NELFB: variants seen among roughly 807,000 people sequenced by gnomAD.
NELFB encodes the protein negative elongation factor B.
In NELFB, 34 loss-of-function variants were observed where a neutral mutation model predicts 60.2. The observed-to-expected ratio is 0.56, with a 90% confidence interval of 0.43 to 0.75. The LOEUF (loss-of-function observed/expected upper bound fraction) is 0.75. Ranked by LOEUF, NELFB falls within the 30% of genes least tolerant of loss-of-function variation. The pLI is 0.00. For synonymous variants in NELFB, 459 were observed against 382.1 expected (o/e 1.20, Z -2.35); for missense variants, 770 against 831.6 (o/e 0.93, Z 0.91).
At position 137,269,096 on chromosome 9, in the gene NELFB, C is replaced by T. The variant is rs1025786271; in HGVS notation, c.1489+1750C>T. Among the ~76,000 whole-genome samples the T allele has an allele frequency of 3.3e-5, 5 of 151,966 alleles. No homozygotes were observed. The highest frequency in any genetic ancestry group is 2.0e-4 in the Admixed American group (3 of 15,254). On this transcript the variant is annotated intron_variant, in intron 10 of 12. Coordinates refer to ENST00000343053, the MANE Select transcript of NELFB (RefSeq NM_015456.5). The surrounding 1 kb of genome is among the most constrained non-coding windows in gnomAD (Gnocchi z 5.3). The stretch of plus-strand genomic sequence containing the variant: ...TTGGGGACACGTCCACACCACAGCA[C>T]GTGCCTATTGTGTTTCTCGGTGGCT...
intron 4 of NELFB, among the ~76,000 whole-genome samples, chr9:137,260,977 T>G (rs981854750): frequency 2.6e-5 from 4 of 151,482 alleles, no homozygotes; most frequent in Admixed American, 1.3e-4. Flanking sequence ...GAGAATCACT[T>G]GAACCCGGGA....
chr9:137,271,938 G>T, intron 10 of NELFB, 143 bp from the exon 11 acceptor site: 1 of 1,063,950 alleles, frequency 9.4e-7, no homozygotes, highest in Admixed American at 2.3e-5. Flanking sequence ...CACCTGCTGA[G>T]ACCCTGTGCT....
chr9:137,273,439 CT>C lies in NELFB; in HGVS notation c.*513del, dbSNP rs1564446655. The C allele has an allele frequency of 6.5e-6, 1 of 153,448 alleles. No individual in the cohort carries two copies. 9.5% of individuals were successfully genotyped at this position (153,448 alleles called of 1,614,324 possible). A position where few individuals can be genotyped will look rare whatever the true frequency, so the allele number is the denominator to read the frequency against. On this transcript the variant is annotated 3_prime_UTR_variant, in exon 13 of 13. Transcript: ENST00000343053. Reference sequence around the variant, plus strand: ...CTGCAGCCCAGTTTGCAGGTGTGGCCTTGTTTCTCCTTGCCCAGCAGTGCTG... The same window carrying C: ...CTGCAGCCCAGTTTGCAGGTGTGGCCTGTTTCTCCTTGCCCAGCAGTGCTG...
At chr9:137,256,600 C>T (rs970727539) in intron 3 of NELFB, among the ~76,000 whole-genome samples, 172 bp downstream of exon 3, 1 of 152,184 alleles carries the variant, frequency 6.6e-6, no homozygotes, top group Admixed American at 6.5e-5. Flanking sequence ...GCGTGGAGAC[C>T]GAACCTTAGC....
At position 137,267,054 on chromosome 9, in the gene NELFB, A is replaced by G. The variant is rs1195610252; in HGVS notation, c.1350A>G (p.Ser450=). The change falls in exon 9 of 13, where the codon TCA becomes TCG. Residue 450 remains serine (S), a synonymous_variant. Coordinates refer to ENST00000343053, the MANE Select transcript of NELFB (RefSeq NM_015456.5). ...CGGCTGAGGAGAAAGCCCCAGTCTC[A>G]TATCCAAACACACTTCCCGAAAGCT... 8 of 1,613,962 alleles carry G rather than the reference A, an allele frequency of 5.0e-6. No individual in the cohort carries two copies. The highest frequency in any genetic ancestry group is 1.3e-5 in the African/African-American group (1 of 74,936).
Position 137,266,996 on chromosome 9 carries a change from A to T in NELFB, c.1292A>T (p.Asp431Val), listed in dbSNP as rs751868850. ...CCGATGCTCATGTCCTTCCTGGTGG[A>T]TGACTACACTTTCAATGTGGATCAG... Residue 431 changes from aspartate to valine, a missense_variant, in exon 9 of 13, where the codon GAT becomes GTT. By Grantham distance (152) the Asp-to-Val change is radical. Transcript: ENST00000343053. 1.9e-6 allele frequency: 3 copies of T among 1,613,906 alleles called. No homozygotes were observed.
Position 137,256,806 on chromosome 9 carries a change from G to C in NELFB, c.511-18G>C, listed in dbSNP as rs771693060. On this transcript the variant is annotated intron_variant, in intron 3 of 12. Coordinates refer to ENST00000343053, the MANE Select transcript of NELFB (RefSeq NM_015456.5). ...GGGACACAGGTGCCACTCACAGGCA[G>C]CCTGTGGTGTCATGTAGGTTCCGGA... 6.2e-7 allele frequency: 1 copy of C among 1,611,482 alleles called. No homozygotes were observed. The highest frequency in any genetic ancestry group is 1.7e-5 in the Admixed American group (1 of 59,928).
chr9:137,267,167 G>C lies in NELFB; in HGVS notation c.1383-73G>C, dbSNP rs1243771375. Reference sequence around the variant, plus strand: ...TGCCCAGGGGGCTGCCTCAGGGCTGGGCAGGGGTCGGTGTGGGGCTGAGGT... The same window carrying C: ...TGCCCAGGGGGCTGCCTCAGGGCTGCGCAGGGGTCGGTGTGGGGCTGAGGT... On this transcript the variant is annotated intron_variant, in intron 9 of 12. Transcript: ENST00000343053. The C allele has an allele frequency of 4.3e-6, 7 of 1,611,684 alleles. No homozygotes were observed. The Admixed American group carries it at 1.2e-4, about 27-fold the overall frequency.
intron 4 of NELFB, among the ~76,000 whole-genome samples, chr9:137,257,372 A>G (rs1037042221): frequency 6.6e-6 from 1 of 152,134 alleles, no homozygotes; most frequent in Admixed American, 6.5e-5. Flanking sequence ...TCTGTTGCCC[A>G]GGCTGGAGTG....
chr9:137,255,856 G>C, intron 1 of NELFB, 51 bp from the exon 2 acceptor site: 1 of 1,599,046 alleles, frequency 6.3e-7, no homozygotes, highest in African/African-American at 1.3e-5. Context: ...CAGGACCTCG[G>C]GGTGCCCGGG....
At chr9:137,255,840 T>C (rs1199504834) in intron 1 of NELFB, 67 bp from the exon 2 acceptor site, 1 of 1,585,090 alleles carries the variant, frequency 6.3e-7, no homozygotes, top group African/African-American at 1.3e-5. Context: ...TGCCTCCCTG[T>C]GCTCTCAGGA....
At chr9:137,265,671 GCCGCCGCGCCCGGC>G in intron 6 of NELFB, among the ~76,000 whole-genome samples, 192 bp from the exon 7 acceptor site, 1 of 123,594 alleles carries the variant, frequency 8.1e-6, no homozygotes, top group Admixed American at 8.0e-5. Flanking sequence ...GACAGGCTGA[GCCGCCGCGCCCGGC>G]CTGCCAAAGT....
Position 137,255,601 on chromosome 9 carries a change from A to G in NELFB, c.236A>G (p.Glu79Gly). ...TGCACGGAGCCGCTCAAGGCCATCGAGCAGTTCCAGGTGGGGCGGCCCCCG... is the reference window on the plus strand; with the variant it reads ...TGCACGGAGCCGCTCAAGGCCATCGGGCAGTTCCAGGTGGGGCGGCCCCCG... Residue 79 changes from glutamate (E) to glycine (G), a missense_variant, in exon 1 of 13, where the codon GAG (glutamate) becomes GGG (glycine). Coordinates refer to ENST00000343053, the MANE Select transcript of NELFB (RefSeq NM_015456.5). The G allele has an allele frequency of 1.3e-6, 2 of 1,548,766 alleles. No homozygotes were observed. Among genetic ancestry groups the G allele is most frequent in the South Asian group, 2.4e-5 (2 of 84,132 alleles).
intron 8 of NELFB, 72 bp from the exon 9 acceptor site, chr9:137,266,872 G>C: frequency 1.3e-6 from 2 of 1,569,700 alleles, no homozygotes; most frequent in South Asian, 2.3e-5. Flanking sequence ...CAGGGGCAGG[G>C]TGTGTGTCAC....
chr9:137,270,067 TC>T, intron 10 of NELFB, among the ~76,000 whole-genome samples: 1 of 151,942 alleles, frequency 6.6e-6, no homozygotes, highest in Non-Finnish European at 1.5e-5. Context: ...CTCCCCGGGG[TC>T]CACGTGGGGT....
rs989003927 is a variant in NELFB at position 137,266,070 on chromosome 9, G to A, written c.1143+91G>A. On this transcript the variant is annotated intron_variant, in intron 7 of 12. Transcript: ENST00000343053. ...TCAGGGTGTGGACAGCAGCGGCCAG[G>A]TGGAGGCAGCTGTTGGGGCCCTGTG... The A allele has an allele frequency of 3.8e-6, 4 of 1,052,748 alleles. No individual in the cohort carries two copies. In the Admixed American group the frequency reaches 5.9e-5, roughly 16 times the overall value. 65.2% of individuals were successfully genotyped at this position (1,052,748 alleles called of 1,614,324 possible).
rs1356217880 is a variant in NELFB at position 137,269,392 on chromosome 9, G to A, written c.1489+2046G>A. Among the ~76,000 whole-genome samples, 1 of 152,160 alleles carries A rather than the reference G, an allele frequency of 6.6e-6. No individual in the cohort carries two copies. The highest frequency in any genetic ancestry group is 2.4e-5 in the African/African-American group (1 of 41,442). On this transcript the variant is annotated intron_variant, in intron 10 of 12. Transcript: ENST00000343053. This position sits in a 1 kb window ranked among gnomAD's most constrained non-coding sequence, Gnocchi z 5.3. ...GAGGGCATTGGGACATCGTGCTGCC[G>A]GCCGCCGGGCAGAGCCGGTTTGTTT...
rs117517572 is a variant in NELFB, at chr9:137,256,592, G to T, written c.510+164G>T. 2.6e-3 allele frequency among the ~76,000 whole-genome samples: 393 copies of T among 152,356 alleles called. 1 individual carries two copies. The highest frequency in any genetic ancestry group is 4.2e-3 in the Non-Finnish European group (287 of 68,026). On this transcript the variant is annotated intron_variant, in intron 3 of 12. Transcript: ENST00000343053. ...TGCTGACTTCTCCCACATGAGCCGC[G>T]TGGAGACCGAACCTTAGCACTGGAG...
Position 137,263,158 on chromosome 9 carries a change from A to G in NELFB, c.863A>G (p.Glu288Gly). 6.2e-7 allele frequency: 1 copy of G among 1,613,976 alleles called. No individual in the cohort carries two copies. The highest frequency in any genetic ancestry group is 8.5e-7 in the Non-Finnish European group (1 of 1,179,978). The change falls in exon 5 of 13, where the codon GAG (glutamate) becomes GGG (glycine). Residue 288 changes from glutamate (E) to glycine (G), a missense_variant. Transcript: ENST00000343053. ...GTGCACTACTGCACGCTGCGGGCTG[A>G]GCTGCTCATGTCCCTGCACGACCTG... is the stretch of plus-strand genomic sequence containing the variant.
Sources: gnomAD v4.1 joint callset for allele counts (sites outside exome capture counted in the v4.1 genomes callset) on GRCh38, gnomAD v4.1.1 for gene constraint, Gnocchi (gnomAD v3.1) non-coding constraint, MANE v1.5 for transcripts, NCBI Gene and HGNC (gene_info 2026-07-23, HGNC 2026-07-21) for gene names.